Variants in CLIC4 observed in about 807,000 individuals in gnomAD.
The protein encoded by CLIC4 is chloride intracellular channel protein 4.
CLIC4 carries 13 observed loss-of-function variants against 24.6 expected under a neutral mutation model. The observed-to-expected ratio is 0.53, with a 90% confidence interval of 0.34 to 0.84. The LOEUF (loss-of-function observed/expected upper bound fraction) is 0.84. CLIC4 is among the 40% of genes least tolerant of loss of function. CLIC4 has a pLI of 0.01. For synonymous variants in CLIC4, 104 were observed against 111.3 expected (o/e 0.93, Z 0.41); for missense variants, 227 against 301.7 (o/e 0.75, Z 1.83).
At chr1:24,809,245 A>G (rs1027380852) in intron 2 of CLIC4, among the ~76,000 whole-genome samples, 1 of 152,140 alleles carries the variant, frequency 6.6e-6, no homozygotes, top group Non-Finnish European at 1.5e-5. Context: ...TTGGACTTTG[A>G]GTTAAAAATT....
At chr1:24,768,133 G>A (rs1024393461) in intron 1 of CLIC4, among the ~76,000 whole-genome samples, 1 of 152,128 alleles carries the variant, frequency 6.6e-6, no homozygotes, top group South Asian at 2.1e-4. Context: ...GAGCCACCAC[G>A]CCCAGCCAAA....
chr1:24,839,499 C>T (rs1639918838), intron 4 of CLIC4, among the ~76,000 whole-genome samples: 1 of 152,106 alleles, frequency 6.6e-6, no homozygotes, highest in Non-Finnish European at 1.5e-5. Context: ...CGAGGTTTCA[C>T]CGTGTTAGCC....
intron 1 of CLIC4, among the ~76,000 whole-genome samples, chr1:24,790,894 C>T (rs1046861177): frequency 7.2e-5 from 11 of 152,080 alleles, no homozygotes; most frequent in African/African-American, 2.4e-4. Flanking sequence ...ATGGGCCGGG[C>T]GTGGTGGCTC....
chr1:24,752,503 T>TG (rs891417238), intron 1 of CLIC4, among the ~76,000 whole-genome samples: 2 of 152,068 alleles, frequency 1.3e-5, no homozygotes, highest in Non-Finnish European at 2.9e-5. Flanking sequence ...CTGTTGCCAG[T>TG]GGGGGGTGGA....
At chr1:24,839,712 G>A (rs1639922255) in intron 4 of CLIC4, 148 bp from the exon 5 acceptor site, 1 of 636,860 alleles carries the variant, frequency 1.6e-6, no homozygotes, top group African/African-American at 1.8e-5. Context: ...CTCTAGGAGA[G>A]CAGGAGCCTT....
chr1:24,807,977 T>C (rs1339458918), intron 2 of CLIC4, among the ~76,000 whole-genome samples: 1 of 151,896 alleles, frequency 6.6e-6, no homozygotes. Context: ...TGAGATGGAA[T>C]TTTGCTCTTG....
chr1:24,810,185 T>G (rs1639597562), intron 2 of CLIC4, among the ~76,000 whole-genome samples: 1 of 152,258 alleles, frequency 6.6e-6, no homozygotes, highest in Non-Finnish European at 1.5e-5. Flanking sequence ...CTGAAGTTCC[T>G]AGTATACAAT....
rs1487510283 is a variant in CLIC4, at chr1:24,775,071, A to T, written c.73-22671A>T. On this transcript the variant is annotated intron_variant, in intron 1 of 5. Transcript: ENST00000374379. ...GGGTGACAGAGTGAGACTCCATCTG[A>T]AAAAAAAAAAAAAGAAAGTGATTCC... 2.3e-5 allele frequency among the ~76,000 whole-genome samples: 3 copies of T among 132,112 alleles called. No individual in the cohort carries two copies. In the East Asian group the frequency reaches 6.0e-4, roughly 27 times the overall value. 86.7% of individuals were successfully genotyped at this position (132,112 alleles called of 152,430 possible). A position where few individuals can be genotyped will look rare whatever the true frequency, so the allele number is the denominator to read the frequency against.
chr1:24,798,789 G>C (rs1408182803), intron 2 of CLIC4, among the ~76,000 whole-genome samples: 1 of 151,484 alleles, frequency 6.6e-6, no homozygotes, highest in African/African-American at 2.4e-5. Flanking sequence ...CCGAGTGCCT[G>C]CGATTGCAGG....
intron 1 of CLIC4, among the ~76,000 whole-genome samples, chr1:24,759,447 A>G (rs1200970635): frequency 6.6e-6 from 1 of 151,504 alleles, no homozygotes; most frequent in East Asian, 1.9e-4. Context: ...TCTTAGCACC[A>G]TCTTTTTCCT....
At chr1:24,776,351 T>G (rs1639140603) in intron 1 of CLIC4, among the ~76,000 whole-genome samples, 1 of 152,188 alleles carries the variant, frequency 6.6e-6, no homozygotes, top group Non-Finnish European at 1.5e-5. Context: ...TCCAGTGCAG[T>G]TCCTTTCCTC....
intron 3 of CLIC4, among the ~76,000 whole-genome samples, chr1:24,816,880 G>A (rs1639676491): frequency 6.6e-6 from 1 of 152,346 alleles, no homozygotes; most frequent in East Asian, 1.9e-4. Flanking sequence ...ACAGATGGAT[G>A]TGCCATTATC....
chr1:24,784,915 A>T (rs1639247770), intron 1 of CLIC4, among the ~76,000 whole-genome samples: 1 of 151,724 alleles, frequency 6.6e-6, no homozygotes, highest in Non-Finnish European at 1.5e-5. Context: ...GAGGCTGGAG[A>T]ATGGCGTGAA....
rs572780850 is a variant in CLIC4 at position 24,750,084 on chromosome 1, ATAAG to A, written c.72+4467_72+4470del. Among the ~76,000 whole-genome samples, 110 of 152,286 alleles carry A rather than the reference ATAAG, an allele frequency of 7.2e-4. No individual in the cohort carries two copies. In the East Asian group the frequency reaches 9.5e-3, roughly 13 times the overall value. The stretch of plus-strand genomic sequence containing the variant: ...TGGGTGAGACCCTATCTCTAAATAA[ATAAG>A]TAAGTAACTAAGCTGGGCCTGGTGG... On this transcript the variant is annotated intron_variant, in intron 1 of 5. Transcript: ENST00000374379.
At chr1:24,800,309 T>A in intron 2 of CLIC4, among the ~76,000 whole-genome samples, 1 of 71,292 alleles carries the variant, frequency 1.4e-5, no homozygotes, top group African/African-American at 6.4e-5. Context: ...GAGGAGCCCC[T>A]CTGCCCGGCC....
In CLIC4 at chr1:24,786,853, C is replaced by T. The variant is rs549403037; in HGVS notation, c.73-10889C>T. 4.6e-5 allele frequency among the ~76,000 whole-genome samples: 7 copies of T among 151,952 alleles called. No individual in the cohort carries two copies. In the East Asian group the frequency reaches 9.8e-4, roughly 21 times the overall value. On this transcript the variant is annotated intron_variant, in intron 1 of 5. Transcript: ENST00000374379. ...CAGGATGGTCTCGATCTCCTGACCT[C>T]GTGATCCGCCCGCCTTGGCCTCCCA...
chr1:24,827,681 G>C (rs978111700), intron 4 of CLIC4, among the ~76,000 whole-genome samples: 2 of 151,896 alleles, frequency 1.3e-5, no homozygotes, highest in Admixed American at 6.6e-5. Flanking sequence ...CTTCAAGCTG[G>C]AATTTCATTT....
rs546586079 is a variant in CLIC4 at position 24,817,733 on chromosome 1, C to T, written c.308+3514C>T. Among the ~76,000 whole-genome samples the T allele has an allele frequency of 2.0e-5, 3 of 152,308 alleles. No homozygotes were observed. In the East Asian group the frequency reaches 5.8e-4, roughly 29 times the overall value. On this transcript the variant is annotated intron_variant, in intron 3 of 5. Coordinates refer to ENST00000374379, the MANE Select transcript of CLIC4 (RefSeq NM_013943.3). Reference sequence around the variant, plus strand: ...TCAGCTTTTGGCCTGTCTCAGCTTTCGACATGCTTTCCTCACTAAGCAGAA... The same window carrying T: ...TCAGCTTTTGGCCTGTCTCAGCTTTTGACATGCTTTCCTCACTAAGCAGAA...
intron 1 of CLIC4, among the ~76,000 whole-genome samples, chr1:24,774,685 C>T (rs527624265): frequency 2.6e-5 from 4 of 151,952 alleles, no homozygotes; most frequent in Non-Finnish European, 4.4e-5. Context: ...CAGCTACTTG[C>T]GAGGCTGAGG....
Sources: gnomAD v4.1 joint callset for allele counts (sites outside exome capture counted in the v4.1 genomes callset) on GRCh38, gnomAD v4.1.1 for gene constraint, MANE v1.5 for transcripts, NCBI Gene and HGNC (gene_info 2026-07-23, HGNC 2026-07-21) for gene names.